MARCHF1: variants seen among roughly 807,000 people sequenced by gnomAD.
The protein encoded by MARCHF1 is membrane associated ring-CH-type finger 1, also known as E3 ubiquitin-protein ligase MARCHF1.
Under a neutral mutation model 54.2 loss-of-function variants are expected in MARCHF1, and 40 were observed. That is an observed-to-expected ratio of 0.74 (90% CI 0.57 to 0.96). The LOEUF (loss-of-function observed/expected upper bound fraction) is 0.96. Among genes scored for constraint, MARCHF1 ranks in the 40% least tolerant of loss-of-function variants. The pLI, the probability that MARCHF1 is intolerant of heterozygous loss-of-function variation, is 0.00. For missense variants in MARCHF1, 586 were observed against 656.5 expected (o/e 0.89, Z 1.17); for synonymous variants, 236 against 236.3 (o/e 1.00, Z 0.01).
At chr4:163,833,530 AAAC>A (rs1244670285) in intron 4 of MARCHF1, among the ~76,000 whole-genome samples, 2 of 152,188 alleles carry the variant, frequency 1.3e-5, no homozygotes, top group East Asian at 1.9e-4. Flanking sequence ...AGAAAAAAAC[AAAC>A]AACCCCATCA....
chr4:164,362,250 T>TA (rs542540527), intron 1 of MARCHF1, among the ~76,000 whole-genome samples: 1 of 152,122 alleles, frequency 6.6e-6, no homozygotes, highest in Non-Finnish European at 1.5e-5. Context: ...TACATACTTT[T>TA]AAAAAAATTA....
At chr4:163,633,092 C>A (rs1396117312) in intron 5 of MARCHF1, among the ~76,000 whole-genome samples, 5 of 152,190 alleles carry the variant, frequency 3.3e-5, no homozygotes, top group Non-Finnish European at 5.9e-5. Flanking sequence ...CAAAACCCAT[C>A]TGTACATCAC....
intron 3 of MARCHF1, among the ~76,000 whole-genome samples, chr4:163,910,772 C>T (rs1159006928): frequency 2.6e-5 from 4 of 152,198 alleles, no homozygotes; most frequent in Admixed American, 6.5e-5. Context: ...GTTGGGATTA[C>T]GGGCGTGAGC....
At chr4:164,363,831 G>C (rs987085997) in intron 1 of MARCHF1, among the ~76,000 whole-genome samples, 6 of 151,554 alleles carry the variant, frequency 4.0e-5, no homozygotes, top group Non-Finnish European at 7.4e-5. Flanking sequence ...CACCTCATTA[G>C]CTCTCCTATT....
At chr4:164,090,832 G>A (rs1474667065) in intron 2 of MARCHF1, among the ~76,000 whole-genome samples, 3 of 152,080 alleles carry the variant, frequency 2.0e-5, no homozygotes, top group Non-Finnish European at 4.4e-5. Flanking sequence ...AAAAGCTGGT[G>A]GAGGAGGAGA....
chr4:164,059,035 G>A (rs952993444), intron 2 of MARCHF1, among the ~76,000 whole-genome samples: 19 of 152,148 alleles, frequency 1.2e-4, no homozygotes, highest in Non-Finnish European at 1.8e-4. Context: ...CTTGCAAAAA[G>A]GGCTCATAGG....
intron 4 of MARCHF1, among the ~76,000 whole-genome samples, chr4:163,733,199 A>ATATATATATATATATATACACGTG (rs1745908677): frequency 2.5e-5 from 1 of 39,884 alleles, no homozygotes; most frequent in East Asian, 6.0e-4. Flanking sequence ...ATATATATAT[A>ATATATATATATATATATACACGTG]TATATATATA....
At chr4:163,942,428 T>C (rs750451375) in intron 3 of MARCHF1, among the ~76,000 whole-genome samples, 13 of 152,292 alleles carry the variant, frequency 8.5e-5, no homozygotes, top group Non-Finnish European at 1.6e-4. Flanking sequence ...AATAAGCCCC[T>C]TGGACAGCTT....
intron 3 of MARCHF1, among the ~76,000 whole-genome samples, chr4:163,876,486 A>C (rs1332806308): frequency 1.3e-5 from 2 of 152,040 alleles, no homozygotes; most frequent in Non-Finnish European, 2.9e-5. Context: ...TTCAGCTCTA[A>C]TTTGGATTAT....
At chr4:164,189,016 G>A in intron 1 of MARCHF1, 2 of 696,080 alleles carry the variant, frequency 2.9e-6, no homozygotes, top group East Asian at 2.5e-5. Context: ...GCCTGGATAA[G>A]AGGGAGGGGG....
chr4:164,359,749 G>A (rs748550454), intron 1 of MARCHF1, among the ~76,000 whole-genome samples: 21 of 152,072 alleles, frequency 1.4e-4, no homozygotes, highest in Non-Finnish European at 2.9e-4. Flanking sequence ...TACTGACAGT[G>A]CTGTAACATA....
chr4:163,735,682 T>C (rs1304255635), intron 4 of MARCHF1, among the ~76,000 whole-genome samples: 2 of 152,132 alleles, frequency 1.3e-5, no homozygotes, highest in Non-Finnish European at 2.9e-5. Context: ...CACCCCTTAA[T>C]ACTATCAGAT....
intron 8 of MARCHF1, among the ~76,000 whole-genome samples, chr4:163,576,555 G>C (rs528416913): frequency 6.6e-6 from 1 of 152,102 alleles, no homozygotes; most frequent in African/African-American, 2.4e-5. Context: ...TGTCTATTTG[G>C]TCCAATTGGT....
chr4:164,072,914 T>A (rs1347822088), intron 2 of MARCHF1, among the ~76,000 whole-genome samples: 2 of 152,214 alleles, frequency 1.3e-5, no homozygotes, highest in Non-Finnish European at 2.9e-5. Flanking sequence ...ACAATTAGCA[T>A]CTCATGTCAA....
At chr4:164,007,412 C>T (rs1030830483) in intron 2 of MARCHF1, among the ~76,000 whole-genome samples, 1 of 141,642 alleles carries the variant, frequency 7.1e-6, no homozygotes, top group Admixed American at 7.0e-5. Context: ...ATAAAATCCA[C>T]AGGTAAAATT....
chr4:163,570,277 T>C (rs796929651), intron 8 of MARCHF1, among the ~76,000 whole-genome samples: 11 of 152,168 alleles, frequency 7.2e-5, no homozygotes, highest in African/African-American at 2.6e-4. Flanking sequence ...ACTGATTTGG[T>C]AAGAACAAAA....
At chr4:164,286,419 A>G (rs925915911) in intron 1 of MARCHF1, among the ~76,000 whole-genome samples, 1 of 152,156 alleles carries the variant, frequency 6.6e-6, no homozygotes, top group Non-Finnish European at 1.5e-5. Flanking sequence ...CTATTAACAT[A>G]TTTTGGCAAT....
chr4:164,030,764 C>G (rs553852193), intron 2 of MARCHF1, among the ~76,000 whole-genome samples: 19 of 152,150 alleles, frequency 1.2e-4, no homozygotes, highest in African/African-American at 4.6e-4. Flanking sequence ...TAAATAACTT[C>G]AACATAATTT....
At chr4:164,015,718 C>T (rs564531454) in intron 2 of MARCHF1, among the ~76,000 whole-genome samples, 2 of 151,686 alleles carry the variant, frequency 1.3e-5, no homozygotes, top group Non-Finnish European at 2.9e-5. Context: ...AAAAAAATGC[C>T]CAGCATCACT....
Sources: gnomAD v4.1 joint callset for allele counts (sites outside exome capture counted in the v4.1 genomes callset) on GRCh38, gnomAD v4.1.1 for gene constraint, MANE v1.5 for transcripts, NCBI Gene and HGNC (gene_info 2026-07-23, HGNC 2026-07-21) for gene names.